LAMP3: variants seen among roughly 807,000 people sequenced by gnomAD.
LAMP3 encodes the protein lysosome-associated membrane glycoprotein 3.
LAMP3 carries 26 observed loss-of-function variants against 34.8 expected under a neutral mutation model. The ratio of observed to expected loss-of-function variants is 0.75; its 90% CI spans 0.55 to 1.04. LAMP3 has a LOEUF of 1.04. LAMP3 is among the 50% of genes least tolerant of loss of function. The probability of loss-of-function intolerance (pLI) is 0.00; values close to 1 mark genes in which losing one functional copy is unlikely to be tolerated. For synonymous variants in LAMP3, 180 were observed against 201.9 expected (o/e 0.89, Z 0.92); for missense variants, 495 against 524.0 (o/e 0.94, Z 0.54).
At chr3:183,148,786 A>G (rs1357713944) in intron 3 of LAMP3, among the ~76,000 whole-genome samples, 4 of 152,198 alleles carry the variant, frequency 2.6e-5, no homozygotes, top group African/African-American at 9.6e-5. Context: ...AAAAGTTTGG[A>G]TCCTCAAAAA....
intron 3 of LAMP3, among the ~76,000 whole-genome samples, chr3:183,149,156 T>C (rs1254397218): frequency 6.6e-6 from 1 of 151,392 alleles, no homozygotes; most frequent in Non-Finnish European, 1.5e-5. Flanking sequence ...ACTGAACTCA[T>C]GGAGATAGAG....
Position 183,152,333 on chromosome 3 carries a change from G to T in LAMP3, c.888+42C>A, listed in dbSNP as rs764591665. 31 of 1,554,620 alleles carry T rather than the reference G, an allele frequency of 2.0e-5. 1 individual carries two copies. In the South Asian group the frequency reaches 3.7e-4, roughly 18 times the overall value. ...GGCCCCAGGATGAGGGAGAGGGAAAGCTGTACCAGATGCAGTTTGTGCAAA... is the reference window on the plus strand; with the variant it reads ...GGCCCCAGGATGAGGGAGAGGGAAATCTGTACCAGATGCAGTTTGTGCAAA... On this transcript the variant is annotated intron_variant, in intron 3 of 5. Transcript: ENST00000265598.
intron 5 of LAMP3, among the ~76,000 whole-genome samples, chr3:183,126,465 C>A (rs914875313): frequency 7.9e-5 from 12 of 151,916 alleles, no homozygotes; most frequent in Admixed American, 2.0e-4. Flanking sequence ...AGTGACTGAT[C>A]CAATCACCCC....
chr3:183,127,992 T>TA (rs985217746), intron 5 of LAMP3, among the ~76,000 whole-genome samples: 3 of 151,232 alleles, frequency 2.0e-5, no homozygotes, highest in African/African-American at 4.9e-5. Flanking sequence ...TAAAATAAAA[T>TA]AAAAAAATAA....
intron 5 of LAMP3, chr3:183,132,566 A>G (rs1327760145): frequency 9.1e-6 from 9 of 985,270 alleles, no homozygotes; most frequent in Admixed American, 6.2e-5. Context: ...TCCGGAAGCC[A>G]GCACTGGTAT....
chr3:183,126,780 T>G (rs1475041055), intron 5 of LAMP3, among the ~76,000 whole-genome samples: 1 of 152,064 alleles, frequency 6.6e-6, no homozygotes, highest in Non-Finnish European at 1.5e-5. Context: ...CAAGGATAGA[T>G]AGGTTAGAAA....
chr3:183,129,982 C>T (rs1560302887), intron 5 of LAMP3, among the ~76,000 whole-genome samples: 2 of 152,144 alleles, frequency 1.3e-5, no homozygotes, highest in Non-Finnish European at 2.9e-5. Flanking sequence ...CACGTGAAGA[C>T]ACAGGCCATC....
chr3:183,152,013 A>G (rs1277135901), intron 3 of LAMP3, among the ~76,000 whole-genome samples: 2 of 152,114 alleles, frequency 1.3e-5, no homozygotes, highest in Admixed American at 1.3e-4. Context: ...TCGGTTTTAG[A>G]ATAATCCTGT....
rs796161517 is a variant in LAMP3, at chr3:183,161,946, A to G, written c.49+661T>C. On this transcript the variant is annotated intron_variant, in intron 1 of 5. Transcript: ENST00000265598. ...CTCTTCCCTAACATTCCTAGCATTC[A>G]TGTTACAAGCAAGGGCCACCGCGCC... The G allele has an allele frequency of 3.5e-5, 34 of 985,338 alleles. No individual in the cohort carries two copies. The African/African-American group carries it at 5.9e-4, about 17-fold the overall frequency. 61.0% of individuals were successfully genotyped at this position (985,338 alleles called of 1,614,324 possible). A position where few individuals can be genotyped will look rare whatever the true frequency, so the allele number is the denominator to read the frequency against.
chr3:183,137,993 T>A lies in LAMP3; in HGVS notation c.947-2106A>T, dbSNP rs56142596. 1.3e-3 allele frequency among the ~76,000 whole-genome samples: 203 copies of A among 152,152 alleles called. 2 individuals carry two copies. The highest frequency in any genetic ancestry group is 4.4e-3 in the African/African-American group (184 of 41,528). ...CGCCACCATGCTGGGCTACTTTTTT[T>A]TATATTTCTAGTAGAGACAGGATTT... On this transcript the variant is annotated intron_variant, in intron 4 of 5. Transcript: ENST00000265598.
upstream of LAMP3, chr3:183,162,797 G>A (rs1721018574): frequency 1.3e-6 from 1 of 765,662 alleles, no homozygotes; most frequent in Non-Finnish European, 2.0e-6. Flanking sequence ...GGGCCGCTGG[G>A]CGGGGAGGGA....
rs573350107 is a variant in LAMP3, at chr3:183,125,123, G to A, written c.1118-909C>T. ...GGTCAGAGACTAATAAATCTCAACC[G>A]AGGAAAGACGGAGGGGTCTGGGGTA... On this transcript the variant is annotated intron_variant, in intron 5 of 5. Transcript: ENST00000265598. Among the ~76,000 whole-genome samples the A allele has an allele frequency of 4.6e-5, 7 of 152,278 alleles. No individual in the cohort carries two copies. The East Asian group carries it at 9.6e-4, about 21-fold the overall frequency.
At chr3:183,155,422 A>G (rs1720795243) in intron 1 of LAMP3, among the ~76,000 whole-genome samples, 1 of 152,196 alleles carries the variant, frequency 6.6e-6, no homozygotes, top group South Asian at 2.1e-4. Context: ...TTCTCAACCA[A>G]GAAAGAGAAG....
intron 3 of LAMP3, among the ~76,000 whole-genome samples, chr3:183,148,717 G>C (rs1303887886): frequency 6.6e-6 from 1 of 152,184 alleles, no homozygotes; most frequent in Non-Finnish European, 1.5e-5. Context: ...AGGATGTGGA[G>C]AAAAGGGAAC....
chr3:183,154,453 C>T (rs1720768515), intron 1 of LAMP3, 62 bp from the exon 2 acceptor site: 1 of 1,252,476 alleles, frequency 8.0e-7, no homozygotes, highest in South Asian at 1.4e-5. Flanking sequence ...GTTCCCTCTC[C>T]CATCCCCATC....
At chr3:183,155,844 G>A (rs937033318) in intron 1 of LAMP3, among the ~76,000 whole-genome samples, 1 of 152,196 alleles carries the variant, frequency 6.6e-6, no homozygotes, top group East Asian at 1.9e-4. Flanking sequence ...TGTTAATGAG[G>A]ACAACAGCAT....
At chr3:183,135,323 A>C (rs1294250185) in intron 5 of LAMP3, among the ~76,000 whole-genome samples, 1 of 152,200 alleles carries the variant, frequency 6.6e-6, no homozygotes, top group Non-Finnish European at 1.5e-5. Flanking sequence ...TGGGGAAGAA[A>C]CTATTCTGAA....
intron 1 of LAMP3, among the ~76,000 whole-genome samples, 162 bp from the exon 2 acceptor site, chr3:183,154,553 A>G (rs996134346): frequency 1.8e-4 from 28 of 152,318 alleles, no homozygotes; most frequent in Middle Eastern, 3.4e-3. Context: ...AACATCACCA[A>G]AGATTCTACC....
chr3:183,131,800 G>A (rs79535308), intron 5 of LAMP3: 6 of 509,120 alleles, frequency 1.2e-5, no homozygotes, highest in Non-Finnish European at 1.5e-5. Context: ...AATCAATTAA[G>A]AACATACCTC....
Sources: gnomAD v4.1 joint callset for allele counts (sites outside exome capture counted in the v4.1 genomes callset) on GRCh38, gnomAD v4.1.1 for gene constraint, MANE v1.5 for transcripts, NCBI Gene and HGNC (gene_info 2026-07-23, HGNC 2026-07-21) for gene names.